ZNF469: variants seen among roughly 807,000 people sequenced by gnomAD.
ZNF469 encodes the protein zinc finger protein 469.
Under a neutral mutation model 1.0 loss-of-function variants are expected in ZNF469, and 1 was observed. The ratio of observed to expected loss-of-function variants is 1.00; its 90% CI spans 0.35 to 4.73. The LOEUF is 4.73. ZNF469 is among the 30% of genes most tolerant of loss of function. ZNF469 has a pLI of 0.16. For synonymous variants in ZNF469, 2,703 were observed against 2,363.4 expected, an observed-to-expected ratio of 1.14 and a Z score of -4.17; for missense variants, 6,100 against 5,356.3, an observed-to-expected ratio of 1.14 and a Z score of -4.33.
At chr16:88,237,047 G>A in the ZNF469 span, among the ~76,000 whole-genome samples, 1 of 150,526 alleles carries the variant, frequency 6.6e-6, no homozygotes, top group Non-Finnish European at 1.5e-5. Context: ...TTCCACTACT[G>A]AGAACATTCT....
At chr16:88,135,748 GTTTTTTT>G in the ZNF469 span, among the ~76,000 whole-genome samples, 15 of 66,926 alleles carry the variant, frequency 2.2e-4, 3 homozygotes, top group Non-Finnish European at 3.3e-4. Context: ...AGCTGGCCAT[GTTTTTTT>G]TTTTTTTTTT....
chr16:88,263,649 C>T, the ZNF469 span, among the ~76,000 whole-genome samples: 1 of 152,272 alleles, frequency 6.6e-6, no homozygotes, highest in African/African-American at 2.4e-5. Context: ...CAGTGGGCAG[C>T]TCAAGCCTCC....
the ZNF469 span, among the ~76,000 whole-genome samples, chr16:88,174,463 C>CGTCTGTCT: frequency 2.6e-4 from 33 of 126,750 alleles, no homozygotes; most frequent in South Asian, 5.4e-3. Context: ...ATTTGTCTGT[C>CGTCTGTCT]GTCTGTCTGT....
At chr16:88,403,143 G>A (rs559636784) in intron 1 of ZNF469, among the ~76,000 whole-genome samples, 12 of 152,316 alleles carry the variant, frequency 7.9e-5, no homozygotes, top group East Asian at 3.9e-4. Context: ...GAGGCCGAGT[G>A]CGGTTGGGAG....
intron 1 of ZNF469, among the ~76,000 whole-genome samples, chr16:88,402,051 C>CATGG (rs1299299888): frequency 4.9e-4 from 61 of 125,026 alleles, no homozygotes; most frequent in African/African-American, 1.7e-3. Flanking sequence ...TGGGTGAGTG[C>CATGG]ATGGATGGAT....
At chr16:88,169,519 G>T in the ZNF469 span, among the ~76,000 whole-genome samples, 1 of 152,156 alleles carries the variant, frequency 6.6e-6, no homozygotes, top group Admixed American at 6.5e-5. This position sits in a 1 kb window ranked among gnomAD's most constrained non-coding sequence, Gnocchi z 6.1. Flanking sequence ...TGCGTTTGGC[G>T]ATCCAGGTTG....
the ZNF469 span, among the ~76,000 whole-genome samples, chr16:88,309,074 C>T: frequency 1.7e-4 from 26 of 152,344 alleles, no homozygotes; most frequent in East Asian, 2.3e-3. Context: ...GGACCTTCTC[C>T]CAACCTCCCA....
the ZNF469 span, among the ~76,000 whole-genome samples, chr16:88,135,615 C>T: frequency 1.3e-5 from 2 of 152,098 alleles, no homozygotes; most frequent in African/African-American, 2.4e-5. Flanking sequence ...AGCACTCACA[C>T]CCGGAGGAGC....
At chr16:88,208,038 G>T in the ZNF469 span, among the ~76,000 whole-genome samples, 5 of 152,166 alleles carry the variant, frequency 3.3e-5, no homozygotes, top group South Asian at 1.0e-3. Flanking sequence ...GACGACTGAA[G>T]AGATTTCCTT....
At chr16:88,345,068 C>T in the ZNF469 span, among the ~76,000 whole-genome samples, 1 of 152,242 alleles carries the variant, frequency 6.6e-6, no homozygotes, top group Admixed American at 6.5e-5. Flanking sequence ...TCACCTCCTC[C>T]TCACCCGTTG....
chr16:88,412,203 C>A (rs1905190858), intron 1 of ZNF469, among the ~76,000 whole-genome samples: 1 of 152,186 alleles, frequency 6.6e-6, no homozygotes, highest in Admixed American at 6.5e-5. Flanking sequence ...CTGCCATCCC[C>A]TCTCCAGTCC....
chr16:88,305,059 C>G, the ZNF469 span, among the ~76,000 whole-genome samples: 1 of 152,168 alleles, frequency 6.6e-6, no homozygotes, highest in Non-Finnish European at 1.5e-5. Flanking sequence ...AGGGCAGCAT[C>G]TGACACCCAC....
chr16:88,418,169 A>G (rs1377306604), intron 1 of ZNF469, among the ~76,000 whole-genome samples: 1 of 152,222 alleles, frequency 6.6e-6, no homozygotes, highest in Non-Finnish European at 1.5e-5. Flanking sequence ...TGCGGCCCCA[A>G]CCGGTGTGAT....
At chr16:88,149,215 C>T in the ZNF469 span, among the ~76,000 whole-genome samples, 1 of 152,158 alleles carries the variant, frequency 6.6e-6, no homozygotes, top group African/African-American at 2.4e-5. Context: ...AGCAGCCAGG[C>T]CCGCTTCTTT....
the ZNF469 span, among the ~76,000 whole-genome samples, chr16:88,228,906 G>C: frequency 1.8e-4 from 28 of 152,092 alleles, no homozygotes; most frequent in Admixed American, 9.8e-4. Context: ...GTGAGGCAAT[G>C]TGGGGGCTCA....
At chr16:88,200,126 C>T in the ZNF469 span, among the ~76,000 whole-genome samples, 3 of 125,710 alleles carry the variant, frequency 2.4e-5, no homozygotes, top group Non-Finnish European at 3.6e-5. Flanking sequence ...CCGGCACGGC[C>T]GAAGAGAACA....
the ZNF469 span, among the ~76,000 whole-genome samples, chr16:88,124,859 C>T: frequency 2.0e-5 from 3 of 152,248 alleles, no homozygotes; most frequent in Non-Finnish European, 4.4e-5. Flanking sequence ...GCTGGGATTA[C>T]AGGCGTGAGC....
chr16:88,370,300 T>TGCC, the ZNF469 span, among the ~76,000 whole-genome samples: 3 of 152,316 alleles, frequency 2.0e-5, no homozygotes, highest in East Asian at 5.8e-4. Context: ...TTGTGGGCAT[T>TGCC]TGTGCAGATT....
chr16:88,149,036 C>T, the ZNF469 span, among the ~76,000 whole-genome samples: 2 of 152,188 alleles, frequency 1.3e-5, no homozygotes, highest in African/African-American at 2.4e-5. Context: ...GTGCCTGCTC[C>T]ATTTATTAAA....
Sources: gnomAD v4.1 joint callset for allele counts (sites outside exome capture counted in the v4.1 genomes callset) on GRCh38, gnomAD v4.1.1 for gene constraint, Gnocchi (gnomAD v3.1) non-coding constraint, MANE v1.5 for transcripts, NCBI Gene and HGNC (gene_info 2026-07-23, HGNC 2026-07-21) for gene names.